The following CD34 variants were observed in gnomAD, a reference collection of about 807,000 sequenced individuals.
CD34 encodes hematopoietic progenitor cell antigen CD34.
Under a neutral mutation model 40.1 loss-of-function variants are expected in CD34, and 34 were observed. That is an observed-to-expected ratio of 0.85 (90% CI 0.65 to 1.13). The LOEUF is 1.13. Among genes scored for constraint, CD34 ranks in the 50% most tolerant of loss-of-function variants. CD34 has a pLI of 0.00. For synonymous variants in CD34, 209 were observed against 190.0 expected (o/e 1.10, Z -0.82); for missense variants, 426 against 466.9 (o/e 0.91, Z 0.81).
intron 1 of CD34, among the ~76,000 whole-genome samples, chr1:207,908,214 A>G (rs1344129499): frequency 2.6e-5 from 4 of 152,366 alleles, no homozygotes; most frequent in Admixed American, 2.6e-4. Flanking sequence ...GGAGATGAGG[A>G]CAAGGGAATG....
Position 207,911,090 on chromosome 1 carries a change from G to T in CD34, c.-10C>A. 1 of 1,569,368 alleles carries T rather than the reference G, an allele frequency of 6.4e-7. No individual in the cohort carries two copies. The highest frequency in any genetic ancestry group is 8.6e-7 in the Non-Finnish European group (1 of 1,160,972). ...CCCTGCGGACCAGCATCCTTCCCGC[G>T]CGGCTCCTAGAGAGACGCACCGAGT... On this transcript the variant is annotated 5_prime_UTR_variant, in exon 1 of 8. Coordinates refer to ENST00000310833, the MANE Select transcript of CD34 (RefSeq NM_001025109.2).
At chr1:207,901,411 C>T (rs1160715978) in intron 1 of CD34, among the ~76,000 whole-genome samples, 1 of 152,250 alleles carries the variant, frequency 6.6e-6, no homozygotes, top group Non-Finnish European at 1.5e-5. Flanking sequence ...GTGTACACCC[C>T]CAAGGCCCAG....
chr1:207,895,950 C>G (rs1453743092), intron 4 of CD34, among the ~76,000 whole-genome samples: 1 of 152,212 alleles, frequency 6.6e-6, no homozygotes, highest in Non-Finnish European at 1.5e-5. Context: ...ATTTTGCAGA[C>G]TGCATTTAGT....
chr1:207,888,620 A>G (rs1399801597), intron 7 of CD34, 62 bp downstream of exon 7: 1 of 1,539,458 alleles, frequency 6.5e-7, no homozygotes, highest in East Asian at 2.3e-5. Context: ...CATGACATCC[A>G]CTGAACTCCC....
rs534299632 is a variant in CD34, at chr1:207,883,718, A to G, written c.*4020T>C. On this transcript the variant is annotated 3_prime_UTR_variant, in exon 8 of 8. Coordinates refer to ENST00000310833, the MANE Select transcript of CD34 (RefSeq NM_001025109.2). The stretch of plus-strand genomic sequence containing the variant: ...ATTTTCATACAGTAAGCACTCAAAA[A>G]CTGTTAGCTACTATCATTGTAAATA... 1 of 152,288 alleles carries G rather than the reference A, an allele frequency of 6.6e-6. No homozygotes were observed. Among genetic ancestry groups the G allele is most frequent in the Admixed American group, 6.5e-5 (1 of 15,294 alleles). 9.4% of individuals were successfully genotyped at this position (152,288 alleles called of 1,614,324 possible). A position where few individuals can be genotyped will look rare whatever the true frequency, so the allele number is the denominator to read the frequency against.
At position 207,899,886 on chromosome 1, in the gene CD34, G is replaced by A. The variant is rs1230435333; in HGVS notation, c.197C>T (p.Thr66Ile). ...AGGGTGCAGGCTGGTACTTCCAAGG[G>A]TACTAGGTGTTGTAGTTTCTTGGTA... is the stretch of plus-strand genomic sequence containing the variant. ...VSYQETTTPSTLGSTSLHPVS... is the reference protein window; with the variant it reads ...VSYQETTTPSILGSTSLHPVS... Residue 66 changes from threonine (T) to isoleucine (I), a missense_variant, in exon 2 of 8, where the codon ACC becomes ATC. By Grantham distance (89) the Thr-to-Ile change is moderately conservative (BLOSUM62 -1). Transcript: ENST00000310833. 9.3e-6 allele frequency: 15 copies of A among 1,613,992 alleles called. No individual in the cohort carries two copies. Among genetic ancestry groups the A allele is most frequent in the East Asian group, 2.2e-5 (1 of 44,880 alleles).
chr1:207,899,846 G>A lies in CD34; in HGVS notation c.237C>T (p.Gly79=). 1 of 1,612,238 alleles carries A rather than the reference G, an allele frequency of 6.2e-7. No homozygotes were observed. The part of the protein sequence containing the change: ...STSLHPVSQH[G]NEATTNITET... ...CTGTGATGTTTGTTGTGGCCTCATT[G>A]CCATGTTGAGACACAGGGTGCAGGC... The change falls in exon 2 of 8, where the codon GGC becomes GGT. Residue 79 remains glycine, a synonymous_variant. Transcript: ENST00000310833.
intron 1 of CD34, among the ~76,000 whole-genome samples, chr1:207,910,081 T>C (rs972713977): frequency 6.6e-6 from 1 of 152,200 alleles, no homozygotes; most frequent in Non-Finnish European, 1.5e-5. Context: ...GAGAATGTCA[T>C]TCCCCAAGGA....
intron 4 of CD34, among the ~76,000 whole-genome samples, chr1:207,891,838 T>G (rs1456052519): frequency 6.6e-6 from 1 of 151,608 alleles, no homozygotes; most frequent in Non-Finnish European, 1.5e-5. Flanking sequence ...CCAGAGCTAC[T>G]GCCATGGTAA....
rs765361728 is a variant in CD34, at chr1:207,887,783, G to A, written c.1113C>T (p.Asn371=). ...CCACGTGTTGTCTTGCTGAATGGCC[G>A]TTTCTGGAGGTGGCCTGGCCGGTCC... is the stretch of plus-strand genomic sequence containing the variant. ...ENGTGQATSR[N]GHSARQHVVA... The change falls in exon 8 of 8, where the codon AAC becomes AAT. Residue 371 remains asparagine, a synonymous_variant. Transcript: ENST00000310833. The A allele has an allele frequency of 7.3e-5, 118 of 1,614,018 alleles. 1 individual carries two copies. Among genetic ancestry groups the A allele is most frequent in the Middle Eastern group, 3.3e-4 (2 of 6,084 alleles).
At chr1:207,889,654 A>C in intron 4 of CD34, 33 bp from the exon 5 acceptor site, 1 of 1,612,480 alleles carries the variant, frequency 6.2e-7, no homozygotes, top group Non-Finnish European at 8.5e-7. Flanking sequence ...AGAGCAAGAG[A>C]TGAAATTACT....
intron 5 of CD34, 55 bp downstream of exon 5, chr1:207,889,410 T>A: frequency 4.5e-6 from 7 of 1,562,478 alleles, no homozygotes; most frequent in Non-Finnish European, 6.1e-6. Flanking sequence ...CACCCAGGAT[T>A]CTCTAACCTC....
rs752147556 is a variant in CD34 at position 207,887,867 on chromosome 1, A to G, written c.1029T>C (p.Pro343=). The change falls in exon 8 of 8, where the codon CCT becomes CCC. Residue 343 remains proline (P), a synonymous_variant. Coordinates refer to ENST00000310833, the MANE Select transcript of CD34 (RefSeq NM_001025109.2). The part of the protein sequence containing the change: ...NGGGQGYSSG[P]GTSPEAQGKA... ...TTCCCTGAGCCTCAGGGGAGGTCCCAGGTCCTGAGCTATAGCCCTGGCCTC... is the reference window on the plus strand; with the variant it reads ...TTCCCTGAGCCTCAGGGGAGGTCCCGGGTCCTGAGCTATAGCCCTGGCCTC... 2 of 1,614,176 alleles carry G rather than the reference A, an allele frequency of 1.2e-6. No homozygotes were observed. The highest frequency in any genetic ancestry group is 1.7e-6 in the Non-Finnish European group (2 of 1,180,022).
At chr1:207,891,063 G>C (rs1013961489) in intron 4 of CD34, among the ~76,000 whole-genome samples, 1 of 151,970 alleles carries the variant, frequency 6.6e-6, no homozygotes, top group African/African-American at 2.4e-5. Flanking sequence ...TGAGGAGGAG[G>C]GGGTTTCTTG....
chr1:207,887,895 C>CCGTTTTCCGTGTAATAAGGGTCTT lies in CD34; in HGVS notation c.977_1000dup (p.Glu326_Asn333dup). The CCGTTTTCCGTGTAATAAGGGTCTT allele has an allele frequency of 1.2e-6, 2 of 1,614,128 alleles. No homozygotes were observed. Among genetic ancestry groups the CCGTTTTCCGTGTAATAAGGGTCTT allele is most frequent in the Non-Finnish European group, 1.7e-6 (2 of 1,180,010 alleles). ...TCCTGAGCTATAGCCCTGGCCTCCA[C>CCGTTTTCCGTGTAATAAGGGTCTT]CGTTTTCCGTGTAATAAGGGTCTTC... On this transcript the variant is annotated inframe_insertion, in exon 8 of 8. Coordinates refer to ENST00000310833, the MANE Select transcript of CD34 (RefSeq NM_001025109.2).
chr1:207,909,440 G>A (rs186918029), intron 1 of CD34, among the ~76,000 whole-genome samples: 48 of 152,094 alleles, frequency 3.2e-4, no homozygotes, highest in East Asian at 2.7e-3. Flanking sequence ...AAGGAGTCTC[G>A]CTCTGTCTCC....
At chr1:207,893,660 T>C (rs140633636) in intron 4 of CD34, among the ~76,000 whole-genome samples, 3 of 152,238 alleles carry the variant, frequency 2.0e-5, no homozygotes, top group African/African-American at 7.2e-5. Context: ...TCAGATGAAG[T>C]CAATGTGAAT....
At chr1:207,890,014 T>C (rs1661999549) in intron 4 of CD34, 1 of 1,395,868 alleles carries the variant, frequency 7.2e-7, no homozygotes, top group Non-Finnish European at 9.2e-7. Flanking sequence ...CAGTCCCCAA[T>C]GATGGAAGAA....
chr1:207,889,073 C>A (rs183889901), intron 6 of CD34, 88 bp downstream of exon 6: 2 of 944,630 alleles, frequency 2.1e-6, no homozygotes, highest in Admixed American at 3.5e-5. Context: ...GTAGGTAGAA[C>A]TGGGGAAGAT....
Sources: gnomAD v4.1 joint callset for allele counts (sites outside exome capture counted in the v4.1 genomes callset) on GRCh38, gnomAD v4.1.1 for gene constraint, MANE v1.5 for transcripts, NCBI Gene and HGNC (gene_info 2026-07-23, HGNC 2026-07-21) for gene names.